The following PRR5 variants were observed in gnomAD, a reference collection of about 807,000 sequenced individuals.
The protein encoded by PRR5 is proline rich 5.
A neutral mutation model predicts 30.6 loss-of-function variants in PRR5; 25 were observed. The ratio of observed to expected loss-of-function variants is 0.82; its 90% confidence interval spans 0.60 to 1.14. The LOEUF (loss-of-function observed/expected upper bound fraction) is 1.14. Ranked by LOEUF, PRR5 falls within the 50% of genes most tolerant of loss-of-function variation. The pLI is 0.00. For synonymous variants in PRR5, 286 were observed against 247.1 expected (o/e 1.16, Z -1.48); for missense variants, 600 against 547.1 (o/e 1.10, Z -0.96).
chr22:44,736,702 A>C, intron 7 of PRR5, 70 bp from the exon 8 acceptor site: 1 of 1,506,634 alleles, frequency 6.6e-7, no homozygotes, highest in East Asian at 2.3e-5. Flanking sequence ...GTGTGCAGTG[A>C]GCAGCAGGTG....
At chr22:44,731,473 G>C in intron 4 of PRR5, 1 of 555,400 alleles carries the variant, frequency 1.8e-6, no homozygotes. Context: ...TGTGCCTTAG[G>C]CTCATTTCAT....
intron 2 of PRR5, among the ~76,000 whole-genome samples, chr22:44,720,068 C>G (rs1322932619): frequency 6.6e-6 from 1 of 152,196 alleles, no homozygotes; most frequent in Non-Finnish European, 1.5e-5. Context: ...TCCACACCCC[C>G]TCTTCTCCCT....
intron 1 of PRR5, among the ~76,000 whole-genome samples, chr22:44,713,005 G>A (rs1378529322): frequency 6.6e-6 from 1 of 152,212 alleles, no homozygotes; most frequent in African/African-American, 2.4e-5. Flanking sequence ...GGGATGAGAA[G>A]GGCCTTCCAG....
intron 7 of PRR5, among the ~76,000 whole-genome samples, chr22:44,736,525 A>C (rs1390669776): frequency 6.6e-6 from 1 of 152,232 alleles, no homozygotes; most frequent in Non-Finnish European, 1.5e-5. Flanking sequence ...GGCGGGGTGC[A>C]GGTTCAAACC....
At chr22:44,678,956 G>A (rs898226262) in intron 1 of PRR5, among the ~76,000 whole-genome samples, 1 of 152,194 alleles carries the variant, frequency 6.6e-6, no homozygotes, top group African/African-American at 2.4e-5. Context: ...GGAAGCCTGG[G>A]ATGATGGATG....
At chr22:44,676,617 G>A (rs1008758379), upstream of PRR5, among the ~76,000 whole-genome samples, 1 of 151,836 alleles carries the variant, frequency 6.6e-6, no homozygotes, top group Non-Finnish European at 1.5e-5. Flanking sequence ...TAGGCGGGGT[G>A]AAGAGGAGGA....
chr22:44,735,015 ACT>A lies in PRR5; in HGVS notation c.556-8_556-7del, dbSNP rs779744025. 3.1e-6 allele frequency: 5 copies of A among 1,609,758 alleles called. No individual in the cohort carries two copies. In the East Asian group the frequency reaches 8.9e-5, roughly 29 times the overall value. ...TGCATGACCCCCTACCCCCTGCCCC[ACT>A]CTCCTGCAGGGGGTACATGAGTCCA... On this transcript the variant is annotated splice_polypyrimidine_tract_variant and intron_variant, in intron 6 of 7. Coordinates refer to ENST00000336985, the MANE Select transcript of PRR5 (RefSeq NM_181333.4).
chr22:44,694,560 G>A (rs1925578835), intron 1 of PRR5, among the ~76,000 whole-genome samples: 1 of 152,048 alleles, frequency 6.6e-6, no homozygotes, highest in East Asian at 1.9e-4. Context: ...CTGGGTCGCT[G>A]GCAGACACAG....
At chr22:44,713,226 G>A (rs898627691) in intron 1 of PRR5, among the ~76,000 whole-genome samples, 1 of 152,200 alleles carries the variant, frequency 6.6e-6, no homozygotes, top group Non-Finnish European at 1.5e-5. Flanking sequence ...GGTGGATGTG[G>A]TGGAGAGGTG....
In PRR5 at chr22:44,679,882, A is replaced by G. The variant is rs1164939567; in HGVS notation, c.-11+2642A>G. The G allele has an allele frequency of 1.1e-5, 18 of 1,578,592 alleles. No individual in the cohort carries two copies. Among genetic ancestry groups the G allele is most frequent in the Non-Finnish European group, 1.3e-5 (15 of 1,163,474 alleles). ...ATGCCGGCGCAGCCTGAGGGCTTGTACAGGTGCCACTGTGCCGAAGGGTGG... is the reference window on the plus strand; with the variant it reads ...ATGCCGGCGCAGCCTGAGGGCTTGTGCAGGTGCCACTGTGCCGAAGGGTGG... On this transcript the variant is annotated intron_variant, in intron 1 of 8. Coordinates refer to the PRR5 transcript ENST00000006251.
chr22:44,733,871 A>G (rs748874328), intron 6 of PRR5, among the ~76,000 whole-genome samples: 17 of 152,192 alleles, frequency 1.1e-4, no homozygotes, highest in Non-Finnish European at 2.5e-4. Flanking sequence ...ACCCCCAGGG[A>G]CGTGGCCTGG....
chr22:44,690,862 G>A (rs58737254), intron 1 of PRR5, among the ~76,000 whole-genome samples: 3,583 of 152,128 alleles, frequency 0.024, 83 homozygotes, highest in East Asian at 0.12. Flanking sequence ...GGCGGGAGAG[G>A]GGCCTGGCAG....
upstream of PRR5, among the ~76,000 whole-genome samples, chr22:44,698,206 G>A (rs558258843): frequency 6.6e-6 from 1 of 152,276 alleles, no homozygotes; most frequent in Admixed American, 6.5e-5. Flanking sequence ...GGGGGAGTTT[G>A]GAATGAGTTT....
At chr22:44,702,187 C>G (rs866392512), upstream of PRR5, 2,784 of 1,002,408 alleles carry the variant, frequency 2.8e-3, 17 homozygotes, top group Non-Finnish European at 2.6e-3. Context: ...CCTGGGCCCG[C>G]CCCCGGGTCC....
At chr22:44,732,732 TAC>T (rs1481724935) in intron 6 of PRR5, among the ~76,000 whole-genome samples, 1 of 145,838 alleles carries the variant, frequency 6.9e-6, no homozygotes, top group African/African-American at 2.6e-5. Flanking sequence ...TGCACATGCA[TAC>T]ACACCACACA....
At chr22:44,707,934 C>T (rs1057480043) in intron 1 of PRR5, among the ~76,000 whole-genome samples, 4 of 152,134 alleles carry the variant, frequency 2.6e-5, no homozygotes, top group Non-Finnish European at 4.4e-5. Flanking sequence ...AGTTGTAGTG[C>T]GTGGCCCCAA....
rs1207067250 is a variant in PRR5, at chr22:44,735,093, G to A, written c.622G>A (p.Val208Met). 3 of 1,612,142 alleles carry A rather than the reference G, an allele frequency of 1.9e-6. No homozygotes were observed. The highest frequency in any genetic ancestry group is 1.1e-5 in the South Asian group (1 of 91,068). The change falls in exon 7 of 8, where the codon GTG becomes ATG. Residue 208 changes from valine to methionine, a missense_variant. By Grantham distance (21) the Val-to-Met change is conservative. Transcript: ENST00000336985. Reference sequence around the variant, plus strand: ...CCTGGAGACGCTGGTCCAGAAGGTGGTGTCGCCATACCTGGGCACCTACGG... The same window carrying A: ...CCTGGAGACGCTGGTCCAGAAGGTGATGTCGCCATACCTGGGCACCTACGG... ...LRLETLVQKV[V>M]SPYLGTYGLH...
intron 1 of PRR5, among the ~76,000 whole-genome samples, chr22:44,686,309 G>A (rs1246159634): frequency 2.0e-5 from 3 of 151,778 alleles, no homozygotes; most frequent in African/African-American, 7.2e-5. Flanking sequence ...ACAACATCTT[G>A]TTCTATTCTT....
At chr22:44,734,933 A>T in intron 6 of PRR5, 94 bp from the exon 7 acceptor site, 2 of 1,450,806 alleles carry the variant, frequency 1.4e-6, no homozygotes, top group South Asian at 2.5e-5. Flanking sequence ...GAGGCAGAGG[A>T]CAGGCTGTCT....
Sources: allele counts gnomAD v4.1 joint callset (sites outside exome capture counted in the v4.1 genomes callset), GRCh38; gene constraint gnomAD v4.1.1; transcripts MANE v1.5; gene names NCBI Gene and HGNC (gene_info 2026-07-23, HGNC 2026-07-21).